Variants in AGBL4 observed in about 807,000 individuals in gnomAD.
AGBL4 encodes the protein cytosolic carboxypeptidase 6.
A neutral mutation model predicts 66.4 loss-of-function variants in AGBL4; 58 were observed. That is an observed-to-expected ratio of 0.87 (90% CI 0.71 to 1.09). The LOEUF (loss-of-function observed/expected upper bound fraction) is 1.09. Among genes scored for constraint, AGBL4 ranks in the 50% least tolerant of loss-of-function variants. The pLI is 0.00. For missense variants in AGBL4, 579 were observed against 631.0 expected, an observed-to-expected ratio of 0.92 and a Z score of 0.88; for synonymous variants, 234 against 222.9, an observed-to-expected ratio of 1.05 and a Z score of -0.44.
chr1:49,846,090 G>A lies in AGBL4; in HGVS notation c.157+5306C>T, dbSNP rs1646135208. The A allele has an allele frequency of 3.9e-6, 6 of 1,546,392 alleles. No homozygotes were observed. In the Admixed American group the frequency reaches 5.0e-5, roughly 13 times the overall value. ...CACACAGGAGAGAAACCCTATGAAT[G>A]TAACCAGTGTAGCCAGAGCTCCCTT... On this transcript the variant is annotated intron_variant, in intron 2 of 13. Coordinates refer to ENST00000371839, the MANE Select transcript of AGBL4 (RefSeq NM_032785.4).
At position 48,542,009 on chromosome 1, in the gene AGBL4, T is replaced by C. The variant is rs142623493; in HGVS notation, c.1268-2271A>G. On this transcript the variant is annotated intron_variant, in intron 11 of 13. Coordinates refer to ENST00000371839, the MANE Select transcript of AGBL4 (RefSeq NM_032785.4). ...CTCCCCTAGCACCCAACCCCCTGACTGGCCCCAGTGTGTGTTTTTCCCCTC... is the reference window on the plus strand; with the variant it reads ...CTCCCCTAGCACCCAACCCCCTGACCGGCCCCAGTGTGTGTTTTTCCCCTC... 3.7e-3 allele frequency among the ~76,000 whole-genome samples: 561 copies of C among 152,204 alleles called. 3 individuals carry two copies. The highest frequency in any genetic ancestry group is 0.013 in the African/African-American group (526 of 41,530).
intron 2 of AGBL4, among the ~76,000 whole-genome samples, chr1:49,827,466 T>G (rs913596654): frequency 6.6e-6 from 1 of 152,206 alleles, no homozygotes; most frequent in East Asian, 1.9e-4. Context: ...TTTGGAAAGC[T>G]GTCCATTTTA....
At chr1:48,826,345 G>C (rs1406206002) in intron 6 of AGBL4, among the ~76,000 whole-genome samples, 1 of 152,154 alleles carries the variant, frequency 6.6e-6, no homozygotes, top group Non-Finnish European at 1.5e-5. Context: ...GAATTGGCTG[G>C]CACTGTTAAA....
chr1:48,600,052 TG>T (rs1450031236), intron 9 of AGBL4, among the ~76,000 whole-genome samples: 1 of 152,054 alleles, frequency 6.6e-6, no homozygotes, highest in East Asian at 1.9e-4. Flanking sequence ...AAGGAAAGTG[TG>T]GTTTTATGAA....
intron 3 of AGBL4, among the ~76,000 whole-genome samples, chr1:49,580,456 C>T (rs1056612222): frequency 6.6e-6 from 1 of 151,884 alleles, no homozygotes; most frequent in Non-Finnish European, 1.5e-5. Context: ...AATTTGATTC[C>T]TTTCTCTTCC....
At chr1:49,490,352 G>A (rs1647164313) in intron 3 of AGBL4, among the ~76,000 whole-genome samples, 2 of 151,568 alleles carry the variant, frequency 1.3e-5, no homozygotes, top group Admixed American at 6.6e-5. Context: ...TATCTTTGAA[G>A]TTTTTAGATA....
At chr1:49,400,846 A>C (rs1199187971) in intron 3 of AGBL4, among the ~76,000 whole-genome samples, 1 of 151,990 alleles carries the variant, frequency 6.6e-6, no homozygotes, top group South Asian at 2.1e-4. Context: ...CCAACCCTTT[A>C]TTTCTTTCTT....
chr1:49,500,876 A>G (rs1264906335), intron 3 of AGBL4, among the ~76,000 whole-genome samples: 1 of 151,898 alleles, frequency 6.6e-6, no homozygotes, highest in Non-Finnish European at 1.5e-5. Context: ...TTTTAATTCC[A>G]TATGAATTTT....
intron 11 of AGBL4, among the ~76,000 whole-genome samples, chr1:48,581,483 T>C (rs551464227): frequency 6.6e-6 from 1 of 152,232 alleles, no homozygotes; most frequent in Non-Finnish European, 1.5e-5. Flanking sequence ...CTTCTTGGCT[T>C]GTAACCAGAC....
intron 6 of AGBL4, among the ~76,000 whole-genome samples, chr1:48,818,546 C>T (rs963768064): frequency 6.6e-6 from 1 of 152,092 alleles, no homozygotes; most frequent in Admixed American, 6.6e-5. Context: ...CACAAAGATG[C>T]CTGTGATTGA....
chr1:49,657,413 G>A (rs902163338), intron 3 of AGBL4, among the ~76,000 whole-genome samples: 58 of 152,230 alleles, frequency 3.8e-4, no homozygotes, highest in African/African-American at 1.3e-3. Context: ...AATCAATATC[G>A]TGAAAATGGC....
chr1:49,372,540 T>C (rs927703008), intron 3 of AGBL4, among the ~76,000 whole-genome samples: 1 of 152,212 alleles, frequency 6.6e-6, no homozygotes, highest in Non-Finnish European at 1.5e-5. Context: ...TACTGATCAC[T>C]GTTTATTGAA....
At chr1:49,206,192 G>A (rs1040865501) in intron 4 of AGBL4, among the ~76,000 whole-genome samples, 1 of 152,078 alleles carries the variant, frequency 6.6e-6, no homozygotes, top group African/African-American at 2.4e-5. Context: ...ATGTGTTTGG[G>A]GGAAGGAGAA....
chr1:49,621,159 T>G (rs925005840), intron 3 of AGBL4, among the ~76,000 whole-genome samples: 3 of 152,206 alleles, frequency 2.0e-5, no homozygotes, highest in Admixed American at 6.5e-5. Context: ...CGTAAAGAAA[T>G]AGTACTTGAA....
chr1:49,159,259 T>C (rs1646495550), intron 4 of AGBL4, among the ~76,000 whole-genome samples: 1 of 152,156 alleles, frequency 6.6e-6, no homozygotes, highest in Non-Finnish European at 1.5e-5. Context: ...GCAGGCCTGC[T>C]GGTGACAAAA....
chr1:49,548,808 G>T (rs1201830643), intron 3 of AGBL4, among the ~76,000 whole-genome samples: 1 of 151,962 alleles, frequency 6.6e-6, no homozygotes, highest in African/African-American at 2.4e-5. Context: ...ATTAAGGGAG[G>T]GTTCCTTTTT....
At chr1:48,943,278 T>C (rs767746735) in intron 5 of AGBL4, among the ~76,000 whole-genome samples, 1 of 152,090 alleles carries the variant, frequency 6.6e-6, no homozygotes, top group Admixed American at 6.5e-5. Context: ...AATAACCAAA[T>C]AGATTAATAA....
intron 5 of AGBL4, among the ~76,000 whole-genome samples, chr1:49,011,567 A>G (rs1410996356): frequency 2.0e-5 from 3 of 152,164 alleles, no homozygotes; most frequent in Non-Finnish European, 4.4e-5. Context: ...TGCTGCTATA[A>G]AGACACATGC....
chr1:49,256,323 A>G (rs1477242620), intron 3 of AGBL4, among the ~76,000 whole-genome samples: 2 of 152,208 alleles, frequency 1.3e-5, no homozygotes, highest in Non-Finnish European at 2.9e-5. Context: ...TTAAAAAATT[A>G]TATAAAATTC....
Sources: allele counts gnomAD v4.1 joint callset (sites outside exome capture counted in the v4.1 genomes callset), GRCh38; gene constraint gnomAD v4.1.1; transcripts MANE v1.5; gene names NCBI Gene and HGNC (gene_info 2026-07-23, HGNC 2026-07-21).